Variants in ERC1 observed in about 807,000 individuals in gnomAD.
The protein encoded by ERC1 is RAB6 interacting protein 2.
Under a neutral mutation model 132.0 loss-of-function variants are expected in ERC1, and 56 were observed. The ratio of observed to expected loss-of-function variants is 0.42; its 90% CI spans 0.34 to 0.53. ERC1 has a LOEUF of 0.53. Ranked by LOEUF, ERC1 falls within the 20% of genes least tolerant of loss-of-function variation. The pLI, the probability that ERC1 is intolerant of heterozygous loss-of-function variation, is 0.03. For synonymous variants in ERC1, 478 were observed against 476.1 expected (o/e 1.00, Z -0.05); for missense variants, 1,202 against 1,349.9 (o/e 0.89, Z 1.72).
At chr12:1,260,674 C>G (rs749133974) in intron 13 of ERC1, among the ~76,000 whole-genome samples, 1 of 152,136 alleles carries the variant, frequency 6.6e-6, no homozygotes, top group Non-Finnish European at 1.5e-5. Context: ...TTTACCCACT[C>G]GATAGATTAA....
intron 16 of ERC1, among the ~76,000 whole-genome samples, chr12:1,379,410 A>G (rs1251270602): frequency 6.6e-6 from 1 of 152,190 alleles, no homozygotes; most frequent in East Asian, 1.9e-4. Context: ...TATTTCAGTG[A>G]ACAGCCAATT....
At chr12:1,466,317 TC>T (rs1347876756) in intron 18 of ERC1, among the ~76,000 whole-genome samples, 1 of 152,150 alleles carries the variant, frequency 6.6e-6, no homozygotes, top group Non-Finnish European at 1.5e-5. Flanking sequence ...CCAGATTTCC[TC>T]CTGTTACAAA....
At chr12:1,148,798 C>T (rs1025731811) in intron 8 of ERC1, among the ~76,000 whole-genome samples, 92 of 152,220 alleles carry the variant, frequency 6.0e-4, no homozygotes, top group African/African-American at 7.2e-4. Flanking sequence ...GACGGGATTT[C>T]GCCATGTTGG....
chr12:1,205,240 T>TA, intron 12 of ERC1, among the ~76,000 whole-genome samples: 2 of 152,240 alleles, frequency 1.3e-5, no homozygotes, highest in Middle Eastern at 6.8e-3. Flanking sequence ...TTTAAAAAGT[T>TA]ACTTATTTTG....
At chr12:1,032,791 A>C (rs1968296756) in intron 2 of ERC1, among the ~76,000 whole-genome samples, 1 of 152,228 alleles carries the variant, frequency 6.6e-6, no homozygotes, top group East Asian at 1.9e-4. Context: ...CAAGTAAATT[A>C]GTTGAATTTG....
intron 18 of ERC1, among the ~76,000 whole-genome samples, chr12:1,469,744 G>C (rs762102684): frequency 6.6e-6 from 1 of 152,170 alleles, no homozygotes; most frequent in South Asian, 2.1e-4. Context: ...GCTTTAGGGG[G>C]CTGTGGGAAT....
intron 14 of ERC1, among the ~76,000 whole-genome samples, chr12:1,272,878 G>A (rs559035902): frequency 1.2e-4 from 17 of 147,560 alleles, no homozygotes; most frequent in African/African-American, 3.5e-4. Context: ...AACCCGGGCA[G>A]CAGAGGTTGC....
intron 1 of ERC1, among the ~76,000 whole-genome samples, chr12:995,301 A>C (rs1294097859): frequency 6.6e-6 from 1 of 152,020 alleles, no homozygotes; most frequent in Non-Finnish European, 1.5e-5. Flanking sequence ...AGTAGTCAGG[A>C]GCTTATGCTG....
intron 2 of ERC1, among the ~76,000 whole-genome samples, chr12:1,041,713 G>T (rs1251636125): frequency 6.6e-6 from 1 of 152,220 alleles, no homozygotes; most frequent in Non-Finnish European, 1.5e-5. Context: ...TTGGTCAAGG[G>T]TTAGGAAGTT....
intron 2 of ERC1, among the ~76,000 whole-genome samples, chr12:1,079,355 T>C (rs1385811894): frequency 7.9e-6 from 1 of 127,088 alleles, no homozygotes; most frequent in Non-Finnish European, 1.7e-5. Flanking sequence ...GAGATACAGA[T>C]AGAAATGATT....
intron 2 of ERC1, among the ~76,000 whole-genome samples, 175 bp downstream of exon 2, chr12:1,028,747 C>T (rs1362082917): frequency 6.6e-6 from 1 of 152,006 alleles, no homozygotes; most frequent in African/African-American, 2.4e-5. Context: ...TGGTCCTGTA[C>T]CCTGTTTTCT....
chr12:1,131,879 A>G (rs1416063958), intron 7 of ERC1, among the ~76,000 whole-genome samples: 2 of 152,194 alleles, frequency 1.3e-5, no homozygotes, highest in African/African-American at 2.4e-5. Context: ...TTTTTATTGA[A>G]GTTGGCATGA....
intron 15 of ERC1, among the ~76,000 whole-genome samples, chr12:1,339,441 G>A (rs1232591680): frequency 7.1e-6 from 1 of 139,936 alleles, no homozygotes; most frequent in Non-Finnish European, 1.5e-5. Flanking sequence ...CAGGGTGCCC[G>A]CCCCCATGTA....
chr12:1,150,236 G>A (rs1950714886), intron 8 of ERC1, among the ~76,000 whole-genome samples: 2 of 152,182 alleles, frequency 1.3e-5, no homozygotes, highest in African/African-American at 4.8e-5. Flanking sequence ...CCATCTCATA[G>A]TTTACTACTG....
chr12:1,345,772 A>G (rs1355214162), intron 15 of ERC1, among the ~76,000 whole-genome samples: 1 of 151,782 alleles, frequency 6.6e-6, no homozygotes, highest in African/African-American at 2.4e-5. Flanking sequence ...CTTTTGCCAC[A>G]TTTTCCCTAT....
At position 1,028,317 on chromosome 12, in the gene ERC1, T is replaced by C. The variant is rs767718877; in HGVS notation, c.414T>C (p.Thr138=). 2.8e-5 allele frequency: 45 copies of C among 1,614,194 alleles called. No homozygotes were observed. The highest frequency in any genetic ancestry group is 3.6e-5 in the Non-Finnish European group (43 of 1,180,026). Residue 138 remains threonine, a synonymous_variant, in exon 2 of 19, where the codon ACT becomes ACC. Transcript: ENST00000360905. Reference sequence around the variant, plus strand: ...TCCCTCCTGTGAGTATGGCATCCACTGTACCTCACTCCCTTCGTCAGGCGA... The same window carrying C: ...TCCCTCCTGTGAGTATGGCATCCACCGTACCTCACTCCCTTCGTCAGGCGA... ...HHLPPVSMAS[T]VPHSLRQARD... is the part of the protein sequence containing the mutation.
intron 15 of ERC1, among the ~76,000 whole-genome samples, chr12:1,299,047 A>T (rs1285203959): frequency 6.6e-6 from 1 of 152,194 alleles, no homozygotes; most frequent in African/African-American, 2.4e-5. Context: ...ACAGAACTAA[A>T]GGTAAAACAA....
chr12:1,234,758 A>G (rs1390845984), intron 12 of ERC1, among the ~76,000 whole-genome samples: 1 of 152,246 alleles, frequency 6.6e-6, no homozygotes, highest in Non-Finnish European at 1.5e-5. Flanking sequence ...CATAGCCACA[A>G]AACAGGTACA....
At chr12:1,431,435 G>A (rs748833174) in intron 17 of ERC1, among the ~76,000 whole-genome samples, 7 of 152,076 alleles carry the variant, frequency 4.6e-5, no homozygotes, top group Non-Finnish European at 8.8e-5. Context: ...TTAACTGAGC[G>A]TTTTCTGGAG....
Sources: gnomAD v4.1 joint callset for allele counts (sites outside exome capture counted in the v4.1 genomes callset) on GRCh38, gnomAD v4.1.1 for gene constraint, MANE v1.5 for transcripts, NCBI Gene and HGNC (gene_info 2026-07-23, HGNC 2026-07-21) for gene names.